The following PLAA variants were observed in gnomAD, a reference collection of about 807,000 sequenced individuals.
PLAA encodes the protein phospholipase A-2-activating protein.
PLAA carries 48 observed loss-of-function variants against 84.1 expected under a neutral mutation model. The observed-to-expected ratio is 0.57, with a 90% CI of 0.45 to 0.73. The LOEUF (loss-of-function observed/expected upper bound fraction) is 0.73. PLAA is among the 30% of genes least tolerant of loss of function. The probability of loss-of-function intolerance (pLI) is 0.00; values close to 1 mark genes in which losing one functional copy is unlikely to be tolerated. For missense variants in PLAA, 903 were observed against 954.7 expected, an observed-to-expected ratio of 0.95 and a Z score of 0.71; for synonymous variants, 392 against 336.6, an observed-to-expected ratio of 1.16 and a Z score of -1.80.
Position 26,914,612 on chromosome 9 carries a change from T to C in PLAA, c.1487-665A>G, listed in dbSNP as rs867287166. ...AAAAAAGTAAGATTAATTAAAATAA[T>C]GAGAAACACAGAATAAATGGATTTG... On this transcript the variant is annotated intron_variant, in intron 10 of 13. Transcript: ENST00000397292. Among the ~76,000 whole-genome samples the C allele has an allele frequency of 1.4e-4, 21 of 150,510 alleles. No homozygotes were observed. In the Middle Eastern group the frequency reaches 0.01, roughly 74 times the overall value.
In PLAA at chr9:26,905,800, A is replaced by T; in HGVS notation, c.2099T>A (p.Ile700Asn). ...GTTCAGGGCCAATGTAGCCAGAGCA[A>T]TGTGAATGTTCTTATTGCTCCCTGA... The part of the protein sequence containing the change: ...LKSGSNKNIH[I>N]ALATLALNYS... The change falls in exon 14 of 14, where the codon ATT (isoleucine) becomes AAT (asparagine). Residue 700 changes from isoleucine to asparagine, a missense_variant. Ile to Asn is a moderately radical substitution (Grantham distance 149). Transcript: ENST00000397292. 6.2e-7 allele frequency: 1 copy of T among 1,614,204 alleles called. No homozygotes were observed. Among genetic ancestry groups the T allele is most frequent in the African/African-American group, 1.3e-5 (1 of 75,062 alleles).
chr9:26,923,287 G>A lies in PLAA; in HGVS notation c.930C>T (p.Ile310=), dbSNP rs201444490. ...SEDRTASAEE[I]KAFEKELSHA... The stretch of plus-strand genomic sequence containing the variant: ...GAGACAGTTCTTTTTCAAAAGCCTT[G>A]ATTTCTTCAGCACTTGCTGTTCGAT... The change falls in exon 7 of 14, where the codon ATC becomes ATT. Residue 310 remains isoleucine (I), a synonymous_variant. Transcript: ENST00000397292. The A allele has an allele frequency of 6.2e-7, 1 of 1,613,678 alleles. No individual in the cohort carries two copies. Among genetic ancestry groups the A allele is most frequent in the Non-Finnish European group, 8.5e-7 (1 of 1,179,702 alleles).
intron 7 of PLAA, among the ~76,000 whole-genome samples, chr9:26,922,749 C>T (rs1203626611): frequency 6.6e-6 from 1 of 151,914 alleles, no homozygotes; most frequent in Non-Finnish European, 1.5e-5. Flanking sequence ...TCACCGCAGC[C>T]TCAACCTTCT....
rs749427235 is a variant in PLAA, at chr9:26,905,616, T to C, written c.2283A>G (p.Gln761=). The C allele has an allele frequency of 5.6e-6, 9 of 1,614,026 alleles. No homozygotes were observed. Among genetic ancestry groups the C allele is most frequent in the Non-Finnish European group, 6.8e-6 (8 of 1,179,982 alleles). Residue 761 remains glutamine, a synonymous_variant, in exon 14 of 14, where the codon CAA becomes CAG. Transcript: ENST00000397292. ...TLISDDSNAV[Q]LAKSLGVDSQ... is the part of the protein sequence containing the mutation. ...AATCAACACCTAAAGACTTGGCTAA[T>C]TGTACAGCATTTGAATCATCACTGA...
intron 1 of PLAA, among the ~76,000 whole-genome samples, chr9:26,935,463 G>C (rs1287722039): frequency 6.6e-6 from 1 of 152,136 alleles, no homozygotes; most frequent in East Asian, 1.9e-4. Flanking sequence ...AAAAAAGAAA[G>C]GGCAATAAAT....
intron 2 of PLAA, among the ~76,000 whole-genome samples, chr9:26,932,933 G>A (rs968153219): frequency 2.6e-5 from 4 of 152,020 alleles, no homozygotes; most frequent in African/African-American, 7.2e-5. Flanking sequence ...TCAAGAGTTC[G>A]AGACCAGCCT....
intron 2 of PLAA, 56 bp from the exon 3 acceptor site, chr9:26,928,464 T>C (rs1221750492): frequency 5.9e-6 from 7 of 1,184,762 alleles, no homozygotes; most frequent in Non-Finnish European, 8.8e-6. Context: ...TGCTCAACAT[T>C]GAAAGTTACT....
rs1487674555 is a variant in PLAA, at chr9:26,910,404, T to C, written c.1591A>G (p.Met531Val). ...SAYRSAASKTMNIYFPKKEAV... is the reference protein window; with the variant it reads ...SAYRSAASKTVNIYFPKKEAV... ...TCTTTTTTAGGGAAATAAATATTCA[T>C]TGTTTTAGATGCAGCTGATCGGTAG... is the stretch of plus-strand genomic sequence containing the variant. The change falls in exon 12 of 14, where the codon ATG (methionine) becomes GTG (valine). Residue 531 changes from methionine (M) to valine (V), a missense_variant. Met to Val is a conservative substitution (Grantham distance 21). Coordinates refer to ENST00000397292, the MANE Select transcript of PLAA (RefSeq NM_001031689.3). The C allele has an allele frequency of 6.8e-6, 11 of 1,613,392 alleles. No homozygotes were observed. Among genetic ancestry groups the C allele is most frequent in the South Asian group, 2.2e-5 (2 of 91,058 alleles).
Position 26,905,379 on chromosome 9 carries a change from CACCACTTTACAA to C in PLAA, c.*120_*131del. The stretch of plus-strand genomic sequence containing the variant: ...AAATTTTATTTCTGTTTCCCCTCCC[CACCACTTTACAA>C]GATGTAAAATTTTACTTAATCCACC... On this transcript the variant is annotated 3_prime_UTR_variant, in exon 14 of 14. Transcript: ENST00000397292. 2 of 705,154 alleles carry C rather than the reference CACCACTTTACAA, an allele frequency of 2.8e-6. No homozygotes were observed. Among genetic ancestry groups the C allele is most frequent in the Non-Finnish European group, 4.6e-6 (2 of 432,524 alleles). The allele number at this position is 705,154 out of a possible 1,614,324, so 43.7% of individuals were successfully genotyped here.
At chr9:26,910,198 A>T (rs1055867187) in intron 12 of PLAA, 140 bp downstream of exon 12, 28 of 586,520 alleles carry the variant, frequency 4.8e-5, no homozygotes, top group Middle Eastern at 7.3e-4. Flanking sequence ...TTTGTGGTGG[A>T]CACAGTTGTT....
At chr9:26,909,301 T>G (rs1165061521) in intron 12 of PLAA, among the ~76,000 whole-genome samples, 1 of 152,134 alleles carries the variant, frequency 6.6e-6, no homozygotes, top group African/African-American at 2.4e-5. Context: ...AATGCAAAAG[T>G]CTAAATACCT....
chr9:26,909,613 ATTTC>A (rs1302022687), intron 12 of PLAA, among the ~76,000 whole-genome samples: 2 of 150,778 alleles, frequency 1.3e-5, no homozygotes, highest in African/African-American at 2.4e-5. Context: ...AAGCAGATTA[ATTTC>A]TTTTTTTTTT....
chr9:26,920,349 C>G lies in PLAA; in HGVS notation c.1075G>C (p.Gly359Arg), dbSNP rs768876426. 6.2e-7 allele frequency: 1 copy of G among 1,613,340 alleles called. No homozygotes were observed. The highest frequency in any genetic ancestry group is 8.5e-7 in the Non-Finnish European group (1 of 1,179,410). Residue 359 changes from glycine (G) to arginine (R), a missense_variant, in exon 8 of 14, where the codon GGG (glycine) becomes CGG (arginine). Physicochemically the swap from Gly to Arg is moderately radical, Grantham distance 125. Coordinates refer to ENST00000397292, the MANE Select transcript of PLAA (RefSeq NM_001031689.3). ...CACTGATAGGCTTCGACTTTCTCCC[C>G]ATCTCTGATTAGACGAGTCTGTCCT... ...REGQTRLIRDGEKVEAYQWSV... is the reference protein window; with the variant it reads ...REGQTRLIRDREKVEAYQWSV...
At chr9:26,921,072 T>C (rs1485813775) in intron 7 of PLAA, among the ~76,000 whole-genome samples, 1 of 152,086 alleles carries the variant, frequency 6.6e-6, no homozygotes, top group Non-Finnish European at 1.5e-5. Context: ...AGACCAAATA[T>C]AAATTGTCCA....
At chr9:26,939,712 T>C (rs373704204) in intron 1 of PLAA, among the ~76,000 whole-genome samples, 6 of 152,104 alleles carry the variant, frequency 3.9e-5, no homozygotes, top group African/African-American at 1.4e-4. Flanking sequence ...AAACAGGATA[T>C]TCCATGAAAA....
At chr9:26,923,490 GTGCTGACTTCAGCACA>G (rs1281848872) in intron 6 of PLAA, 143 bp from the exon 7 acceptor site, 7 of 599,698 alleles carry the variant, frequency 1.2e-5, no homozygotes, top group Middle Eastern at 4.3e-4. Context: ...TTACAGCACT[GTGCTGACTTCAGCACA>G]TGCTACTCTA....
chr9:26,926,300 AT>A, intron 5 of PLAA, 92 bp downstream of exon 5: 1 of 781,658 alleles, frequency 1.3e-6, no homozygotes, highest in South Asian at 1.9e-5. Flanking sequence ...TAGATAGTAA[AT>A]TAAGTAATCA....
At chr9:26,946,622 G>A (rs1223011728) in intron 1 of PLAA, among the ~76,000 whole-genome samples, 1 of 152,068 alleles carries the variant, frequency 6.6e-6, no homozygotes, top group African/African-American at 2.4e-5. Flanking sequence ...GGAGATCATC[G>A]TCCAAAAACT....
intron 1 of PLAA, among the ~76,000 whole-genome samples, chr9:26,944,285 A>G (rs1242204715): frequency 6.6e-6 from 1 of 152,044 alleles, no homozygotes; most frequent in Non-Finnish European, 1.5e-5. Flanking sequence ...CAGAACTATG[A>G]AAAATACATT....
Sources: gnomAD v4.1 joint callset for allele counts (sites outside exome capture counted in the v4.1 genomes callset) on GRCh38, gnomAD v4.1.1 for gene constraint, MANE v1.5 for transcripts, NCBI Gene and HGNC (gene_info 2026-07-23, HGNC 2026-07-21) for gene names.